The following MYH14 variants were observed in gnomAD, a reference collection of about 807,000 sequenced individuals.
MYH14 encodes the protein myosin-14.
MYH14 carries 123 observed loss-of-function variants against 255.5 expected under a neutral mutation model. The ratio of observed to expected loss-of-function variants is 0.48; its 90% CI spans 0.42 to 0.56. The LOEUF is 0.56. Among genes scored for constraint, MYH14 ranks in the 20% least tolerant of loss-of-function variants. The probability of loss-of-function intolerance (pLI) is 0.00; values close to 1 mark genes in which losing one functional copy is unlikely to be tolerated. For missense variants in MYH14, 2,423 were observed against 2,802.3 expected, an observed-to-expected ratio of 0.86 and a Z score of 3.06; for synonymous variants, 1,095 against 1,161.2, an observed-to-expected ratio of 0.94 and a Z score of 1.16.
chr19:50,275,470 CTAAG>C (rs2123403132), intron 27 of MYH14, among the ~76,000 whole-genome samples: 2 of 152,330 alleles, frequency 1.3e-5, no homozygotes, highest in South Asian at 4.1e-4. Context: ...CAGGAACTTA[CTAAG>C]TGTCTCCTAC....
chr19:50,216,428 C>G (rs978808022), intron 2 of MYH14, among the ~76,000 whole-genome samples: 5 of 152,102 alleles, frequency 3.3e-5, no homozygotes, highest in Middle Eastern at 3.2e-3. Context: ...CGTAGTGAGA[C>G]CCCGTCTCTA....
At chr19:50,309,259 G>A in intron 42 of MYH14, 82 bp downstream of exon 42, 1 of 1,375,778 alleles carries the variant, frequency 7.3e-7, no homozygotes. Flanking sequence ...CCGTGCCAGG[G>A]GCAACAACAG....
intron 40 of MYH14, among the ~76,000 whole-genome samples, chr19:50,304,966 TGA>T (rs2036607827): frequency 6.6e-6 from 1 of 152,092 alleles, no homozygotes; most frequent in Admixed American, 6.6e-5. Flanking sequence ...TGGTTGGTTC[TGA>T]GAGTCTGGGA....
chr19:50,206,323 G>T (rs990345925), intron 1 of MYH14, among the ~76,000 whole-genome samples: 4 of 151,562 alleles, frequency 2.6e-5, no homozygotes, highest in African/African-American at 9.7e-5. Flanking sequence ...TTGGCTCCAG[G>T]GAGGAGAGGC....
At chr19:50,229,576 G>A (rs1326119186) in intron 8 of MYH14, among the ~76,000 whole-genome samples, 1 of 152,106 alleles carries the variant, frequency 6.6e-6, no homozygotes, top group Non-Finnish European at 1.5e-5. Flanking sequence ...GGAGGCGGAG[G>A]TTACAGTGAG....
intron 33 of MYH14, among the ~76,000 whole-genome samples, chr19:50,284,103 C>CA (rs1204384377): frequency 1.5e-4 from 22 of 143,096 alleles, no homozygotes; most frequent in East Asian, 4.0e-4. Flanking sequence ...AAAAAAAAAA[C>CA]AAAAAAAAAG....
chr19:50,219,043 ACT>A lies in MYH14; in HGVS notation c.562+1283_562+1284del, dbSNP rs200937636. Among the ~76,000 whole-genome samples, 345 of 140,002 alleles carry A rather than the reference ACT, an allele frequency of 2.5e-3. 2 individuals are homozygous for A. Among genetic ancestry groups the A allele is most frequent in the African/African-American group, 8.2e-3 (318 of 38,986 alleles). The allele number at this position is 140,002 out of a possible 152,430, so 91.8% of individuals were successfully genotyped here. On this transcript the variant is annotated intron_variant, in intron 3 of 42. Coordinates refer to ENST00000642316, the MANE Select transcript of MYH14 (RefSeq NM_001145809.2). ...TATATATACACACCATGGGATATAT[ACT>A]CTCTCTCTCTATATATATATATATG...
intron 1 of MYH14, among the ~76,000 whole-genome samples, chr19:50,209,242 G>A (rs965613085): frequency 3.9e-5 from 6 of 152,134 alleles, no homozygotes; most frequent in African/African-American, 1.4e-4. Flanking sequence ...GCAAGTACCC[G>A]GTAGTGCACA....
At chr19:50,309,522 T>C in intron 42 of MYH14, 118 bp from the exon 43 acceptor site, 1 of 718,902 alleles carries the variant, frequency 1.4e-6, no homozygotes, top group Non-Finnish European at 2.4e-6. Flanking sequence ...CCCCCTTATT[T>C]TGTTCTCTCT....
rs1005548136 is a variant in MYH14, at chr19:50,226,754, C to G, written c.811-149C>G. ...CAAGGAGCCCCCCGATGGGGACTCA[C>G]CACAGGATGGGGTTCAGGTAGAGGG... On this transcript the variant is annotated intron_variant, in intron 7 of 42. Transcript: ENST00000642316. 56 of 733,692 alleles carry G rather than the reference C, an allele frequency of 7.6e-5. No homozygotes were observed. In the African/African-American group the frequency reaches 9.5e-4, roughly 13 times the overall value. 45.4% of individuals were successfully genotyped at this position (733,692 alleles called of 1,614,324 possible).
rs115357999 is a variant in MYH14, at chr19:50,260,810, C to T, written c.2424+95C>T. 9,688 of 882,822 alleles carry T rather than the reference C, an allele frequency of 0.011. 559 individuals carry two copies. In the African/African-American group the frequency reaches 0.16, roughly 14 times the overall value. 54.7% of individuals were successfully genotyped at this position (882,822 alleles called of 1,614,324 possible). A position where few individuals can be genotyped will look rare whatever the true frequency, so the allele number is the denominator to read the frequency against. On this transcript the variant is annotated intron_variant, in intron 20 of 42. Transcript: ENST00000642316. ...GTGTGTGCATGCATATGTGTGCATG[C>T]GTGTGTGTGCAAGTGTGTGTGCATG...
In MYH14 at chr19:50,244,580, T is replaced by G. The variant is rs367792426; in HGVS notation, c.1210+243T>G. On this transcript the variant is annotated intron_variant, in intron 11 of 42. Transcript: ENST00000642316. Reference sequence around the variant, plus strand: ...CTCACTGCAAGCTCCGCCTCCCGGGTTCACACCATTCTCCTGCCTCAGCCT... The same window carrying G: ...CTCACTGCAAGCTCCGCCTCCCGGGGTCACACCATTCTCCTGCCTCAGCCT... Among the ~76,000 whole-genome samples the G allele has an allele frequency of 4.9e-4, 73 of 148,628 alleles. 1 individual carries two copies. The South Asian group carries it at 0.015, about 30-fold the overall frequency.
At chr19:50,260,766 C>T in intron 20 of MYH14, 51 bp downstream of exon 20, 2 of 1,247,856 alleles carry the variant, frequency 1.6e-6, no homozygotes, top group South Asian at 1.3e-5. Context: ...TGTGTGCGTG[C>T]ATGAGTGTGC....
chr19:50,207,132 A>G (rs8100575), intron 1 of MYH14, among the ~76,000 whole-genome samples: 12,677 of 147,184 alleles, frequency 0.086, 1,003 homozygotes, highest in East Asian at 0.26. Context: ...GGCTGAAGTG[A>G]GAGGATCACT....
chr19:50,259,998 C>T (rs772838239), intron 19 of MYH14, among the ~76,000 whole-genome samples: 1 of 152,210 alleles, frequency 6.6e-6, no homozygotes, highest in African/African-American at 2.4e-5. Flanking sequence ...CTGTGTAGAG[C>T]AGCACCGTCC....
At position 50,216,730 on chromosome 19, in the gene MYH14, T is replaced by G. The variant is rs1026246347; in HGVS notation, c.406-885T>G. On this transcript the variant is annotated intron_variant, in intron 2 of 42. Coordinates refer to ENST00000642316, the MANE Select transcript of MYH14 (RefSeq NM_001145809.2). Reference sequence around the variant, plus strand: ...GTTATTGCAGATACCACAGGCACCCTTCCAGAGATAGTCCATGCATATTCA... The same window carrying G: ...GTTATTGCAGATACCACAGGCACCCGTCCAGAGATAGTCCATGCATATTCA... 3.9e-5 allele frequency among the ~76,000 whole-genome samples: 6 copies of G among 152,046 alleles called. No homozygotes were observed. The East Asian group carries it at 9.6e-4, about 24-fold the overall frequency.
At chr19:50,258,738 A>AC (rs1568507901) in intron 18 of MYH14, 16 of 154,176 alleles carry the variant, frequency 1.0e-4, no homozygotes, top group Middle Eastern at 3.4e-3. Context: ...AAAAAAAAAA[A>AC]AAAAAACGAA....
intron 24 of MYH14, 75 bp from the exon 25 acceptor site, chr19:50,271,334 C>T: frequency 6.7e-7 from 1 of 1,500,460 alleles, no homozygotes; most frequent in Non-Finnish European, 9.0e-7. Flanking sequence ...GGCCAGCCAT[C>T]CCCGCTCCCA....
chr19:50,266,769 C>A lies in MYH14; in HGVS notation c.2695-108C>A. 6.9e-7 allele frequency: 1 copy of A among 1,441,738 alleles called. No homozygotes were observed. The highest frequency in any genetic ancestry group is 1.3e-5 in the South Asian group (1 of 78,018). The allele number at this position is 1,441,738 out of a possible 1,614,324, so 89.3% of individuals were successfully genotyped here. On this transcript the variant is annotated intron_variant, in intron 22 of 42. Coordinates refer to ENST00000642316, the MANE Select transcript of MYH14 (RefSeq NM_001145809.2). This position sits in a 1 kb window ranked among gnomAD's most constrained non-coding sequence, Gnocchi z 4.1. Reference sequence around the variant, plus strand: ...CTGTTGCCAAGGCGGGGACACACAGCTAATAGGTGGAGGAGAAGGGATTTG... The same window carrying A: ...CTGTTGCCAAGGCGGGGACACACAGATAATAGGTGGAGGAGAAGGGATTTG...
Sources: gnomAD v4.1 joint callset for allele counts (sites outside exome capture counted in the v4.1 genomes callset) on GRCh38, gnomAD v4.1.1 for gene constraint, Gnocchi (gnomAD v3.1) non-coding constraint, MANE v1.5 for transcripts, NCBI Gene and HGNC (gene_info 2026-07-23, HGNC 2026-07-21) for gene names.